CREB5: variants seen among roughly 807,000 people sequenced by gnomAD.
CREB5 encodes the protein cyclic AMP-responsive element-binding protein 5.
CREB5 carries 19 observed loss-of-function variants against 57.1 expected under a neutral mutation model. The ratio of observed to expected loss-of-function variants is 0.33; its 90% CI spans 0.23 to 0.49. The LOEUF (loss-of-function observed/expected upper bound fraction) is 0.49. Ranked by LOEUF, CREB5 falls within the 20% of genes least tolerant of loss-of-function variation. CREB5 has a pLI of 0.99. For synonymous variants in CREB5, 238 were observed against 238.3 expected (o/e 1.00, Z 0.01); for missense variants, 579 against 671.6 (o/e 0.86, Z 1.52).
At chr7:28,616,281 A>T (rs932750640) in intron 5 of CREB5, among the ~76,000 whole-genome samples, 15 of 152,186 alleles carry the variant, frequency 9.9e-5, no homozygotes, top group African/African-American at 3.6e-4. Flanking sequence ...GACACGGTCT[A>T]TATCCATTAT....
At chr7:28,627,963 G>C (rs1798065152) in intron 5 of CREB5, among the ~76,000 whole-genome samples, 1 of 151,998 alleles carries the variant, frequency 6.6e-6, no homozygotes, top group South Asian at 2.1e-4. Context: ...TTGCCAAATT[G>C]TTCACAGTTT....
At chr7:28,415,820 T>C (rs1402378338) in intron 1 of CREB5, among the ~76,000 whole-genome samples, 2 of 152,236 alleles carry the variant, frequency 1.3e-5, no homozygotes, top group African/African-American at 2.4e-5. Context: ...AATAACCTTT[T>C]TTGTCAAATA....
chr7:28,745,797 T>C (rs1270809196), intron 7 of CREB5, among the ~76,000 whole-genome samples: 2 of 152,234 alleles, frequency 1.3e-5, no homozygotes, highest in East Asian at 3.8e-4. Context: ...TGCTGTTTTC[T>C]TTCCAGAAGT....
intron 1 of CREB5, among the ~76,000 whole-genome samples, chr7:28,474,642 C>T (rs1790984101): frequency 6.6e-6 from 1 of 152,076 alleles, no homozygotes; most frequent in African/African-American, 2.4e-5. Flanking sequence ...CGTTTAAGGT[C>T]CTTGAGGCAT....
intron 4 of CREB5, among the ~76,000 whole-genome samples, chr7:28,553,648 T>C (rs553885548): frequency 7.9e-5 from 12 of 152,344 alleles, no homozygotes; most frequent in Admixed American, 2.6e-4. Context: ...GTTATTTCAG[T>C]GTGCACAGAG....
intron 1 of CREB5, among the ~76,000 whole-genome samples, chr7:28,442,989 C>A (rs1789266143): frequency 6.6e-6 from 1 of 152,180 alleles, no homozygotes; most frequent in African/African-American, 2.4e-5. Context: ...TTGGACCAGA[C>A]ACTGCAGAGC....
intron 5 of CREB5, among the ~76,000 whole-genome samples, chr7:28,687,296 A>T (rs1800988866): frequency 6.6e-6 from 1 of 151,924 alleles, no homozygotes; most frequent in Non-Finnish European, 1.5e-5. Context: ...TTCAGTAGTG[A>T]GGGGGCGATG....
chr7:28,624,954 G>A (rs1341099101), intron 5 of CREB5, among the ~76,000 whole-genome samples: 2 of 150,122 alleles, frequency 1.3e-5, no homozygotes, highest in African/African-American at 4.9e-5. Flanking sequence ...CTGAGCCTCA[G>A]TTTCCCATCA....
chr7:28,565,897 G>A (rs1189890648), intron 4 of CREB5, among the ~76,000 whole-genome samples: 3 of 152,206 alleles, frequency 2.0e-5, no homozygotes, highest in African/African-American at 4.8e-5. Flanking sequence ...CTCCAGCCTG[G>A]GTGACAGAGC....
intron 5 of CREB5, among the ~76,000 whole-genome samples, chr7:28,671,439 G>A (rs1322143582): frequency 1.3e-5 from 2 of 152,052 alleles, no homozygotes; most frequent in African/African-American, 2.4e-5. Context: ...GGTAACTTGG[G>A]TGACTCTTAG....
chr7:28,796,592 TG>T lies in CREB5; in HGVS notation c.703-7605del, dbSNP rs1262430072. Among the ~76,000 whole-genome samples the T allele has an allele frequency of 2.0e-5, 3 of 152,336 alleles. No individual in the cohort carries two copies. The East Asian group carries it at 5.8e-4, about 29-fold the overall frequency. ...AGCTTAAGGTGATCAACCAAGGTCC[TG>T]GAGCCAGGCTTTAAAACCAAGACTT... On this transcript the variant is annotated intron_variant, in intron 7 of 10. Coordinates refer to ENST00000357727, the MANE Select transcript of CREB5 (RefSeq NM_182898.4).
chr7:28,642,971 C>CATAT (rs1407886750), intron 5 of CREB5, among the ~76,000 whole-genome samples: 33 of 81,232 alleles, frequency 4.1e-4, no homozygotes, highest in Admixed American at 5.4e-4. Flanking sequence ...CACACACACA[C>CATAT]ACACACACAC....
intron 7 of CREB5, among the ~76,000 whole-genome samples, chr7:28,754,595 A>T (rs1805182597): frequency 6.6e-6 from 1 of 152,190 alleles, no homozygotes; most frequent in South Asian, 2.1e-4. Flanking sequence ...TTAAAGATGC[A>T]TGTCAGTTCA....
At chr7:28,549,430 A>G (rs1313715601) in intron 4 of CREB5, among the ~76,000 whole-genome samples, 1 of 152,224 alleles carries the variant, frequency 6.6e-6, no homozygotes, top group Non-Finnish European at 1.5e-5. Flanking sequence ...AAATCTGTCA[A>G]ATTTACAAAG....
At chr7:28,643,816 A>C (rs573559149) in intron 5 of CREB5, among the ~76,000 whole-genome samples, 1 of 150,860 alleles carries the variant, frequency 6.6e-6, no homozygotes, top group African/African-American at 2.4e-5. Flanking sequence ...GTGGTGGCTC[A>C]TGCCTGGAAT....
chr7:28,413,251 A>T (rs1221487924), intron 1 of CREB5, among the ~76,000 whole-genome samples: 1 of 152,074 alleles, frequency 6.6e-6, no homozygotes, highest in Non-Finnish European at 1.5e-5. Context: ...TTCATGAATC[A>T]CTTCAATAAG....
At chr7:28,464,255 A>G (rs1790465952) in intron 1 of CREB5, among the ~76,000 whole-genome samples, 1 of 152,040 alleles carries the variant, frequency 6.6e-6, no homozygotes, top group South Asian at 2.1e-4. Context: ...ATTTTGTTGG[A>G]GATTCTTGTA....
At chr7:28,536,324 AGTCT>A (rs1002030947) in intron 4 of CREB5, among the ~76,000 whole-genome samples, 28 of 152,238 alleles carry the variant, frequency 1.8e-4, no homozygotes, top group African/African-American at 6.3e-4. Context: ...CCCCTCTCAG[AGTCT>A]GTCTGTTTCT....
intron 7 of CREB5, among the ~76,000 whole-genome samples, chr7:28,769,437 C>T (rs1480335497): frequency 6.6e-6 from 1 of 152,152 alleles, no homozygotes; most frequent in Non-Finnish European, 1.5e-5. Context: ...CATATATTGA[C>T]ATGTTACATA....
Sources: allele counts gnomAD v4.1 joint callset (sites outside exome capture counted in the v4.1 genomes callset), GRCh38; gene constraint gnomAD v4.1.1; transcripts MANE v1.5; gene names NCBI Gene and HGNC (gene_info 2026-07-23, HGNC 2026-07-21).